The following TPST1 variants were observed in gnomAD, a reference collection of about 807,000 sequenced individuals.
The protein encoded by TPST1 is protein-tyrosine sulfotransferase 1.
Under a neutral mutation model 34.8 loss-of-function variants are expected in TPST1, and 20 were observed. The observed-to-expected ratio is 0.57, with a 90% confidence interval of 0.40 to 0.84. The LOEUF is 0.84. Ranked by LOEUF, TPST1 falls within the 40% of genes least tolerant of loss-of-function variation. The probability of loss-of-function intolerance (pLI) is 0.00; values close to 1 mark genes in which losing one functional copy is unlikely to be tolerated. For missense variants in TPST1, 353 were observed against 455.5 expected (o/e 0.78, Z 2.05); for synonymous variants, 152 against 159.4 (o/e 0.95, Z 0.35).
intron 3 of TPST1, among the ~76,000 whole-genome samples, chr7:66,308,428 G>C (rs76826654): frequency 0.016 from 2,389 of 152,230 alleles, 61 homozygotes; most frequent in East Asian, 0.093. Flanking sequence ...TTTTGGTAGA[G>C]AGAGGCAGCT....
At chr7:66,220,861 G>A (rs963008525) in intron 1 of TPST1, among the ~76,000 whole-genome samples, 53 of 152,262 alleles carry the variant, frequency 3.5e-4, no homozygotes, top group Middle Eastern at 3.4e-3. Flanking sequence ...GGCTGGGAGC[G>A]GTGGCTAACA....
chr7:66,315,199 G>A (rs142782283), intron 3 of TPST1, among the ~76,000 whole-genome samples: 385 of 152,344 alleles, frequency 2.5e-3, no homozygotes, highest in Non-Finnish European at 3.5e-3. Context: ...CACAGTAAGG[G>A]AATCAACAAG....
upstream of TPST1, among the ~76,000 whole-genome samples, chr7:66,203,208 C>A (rs1789050256): frequency 6.8e-6 from 1 of 148,016 alleles, no homozygotes; most frequent in African/African-American, 2.6e-5. Flanking sequence ...TACACACAAA[C>A]ACACACACAC....
At chr7:66,299,516 T>C (rs74939879) in intron 3 of TPST1, among the ~76,000 whole-genome samples, 3,229 of 152,188 alleles carry the variant, frequency 0.021, 50 homozygotes, top group Middle Eastern at 0.041. Flanking sequence ...ATAAGATTTT[T>C]CCCTATTTTT....
chr7:66,350,888 T>C (rs983248130), intron 3 of TPST1, among the ~76,000 whole-genome samples: 2 of 152,256 alleles, frequency 1.3e-5, no homozygotes, highest in Non-Finnish European at 1.5e-5. Context: ...ATGATATATG[T>C]GTAACAGTAA....
intron 1 of TPST1, among the ~76,000 whole-genome samples, chr7:66,226,999 C>G (rs1789668592): frequency 7.3e-6 from 1 of 136,220 alleles, no homozygotes; most frequent in South Asian, 2.4e-4. Context: ...AAATTTAACA[C>G]AGTTTGGTGT....
At chr7:66,312,955 A>T (rs548302024) in intron 3 of TPST1, among the ~76,000 whole-genome samples, 1 of 152,216 alleles carries the variant, frequency 6.6e-6, no homozygotes, top group East Asian at 1.9e-4. Context: ...GTTGAAAATG[A>T]CCTGAAGAAT....
intron 3 of TPST1, among the ~76,000 whole-genome samples, chr7:66,293,289 C>T (rs1454836502): frequency 6.6e-6 from 1 of 151,744 alleles, no homozygotes; most frequent in African/African-American, 2.4e-5. Context: ...TGCGAGTGAG[C>T]CCAGGATTTC....
chr7:66,209,904 G>T (rs1789209405), intron 1 of TPST1, among the ~76,000 whole-genome samples: 1 of 152,160 alleles, frequency 6.6e-6, no homozygotes. Flanking sequence ...CCTGGCTTCA[G>T]GTAACCCTCT....
At chr7:66,255,464 C>T (rs1790365960) in intron 2 of TPST1, among the ~76,000 whole-genome samples, 2 of 152,104 alleles carry the variant, frequency 1.3e-5, no homozygotes, top group Non-Finnish European at 2.9e-5. Flanking sequence ...ACAGAATTCC[C>T]AATACCAACA....
chr7:66,356,895 G>T (rs1792593322), intron 5 of TPST1, 24 bp downstream of exon 5: 14 of 1,613,450 alleles, frequency 8.7e-6, no homozygotes, highest in Non-Finnish European at 1.2e-5. Context: ...GACATTGCCA[G>T]GTCTTTCTGT....
At chr7:66,323,252 G>A (rs1791793650) in intron 3 of TPST1, among the ~76,000 whole-genome samples, 1 of 152,134 alleles carries the variant, frequency 6.6e-6, no homozygotes, top group African/African-American at 2.4e-5. Flanking sequence ...ATCCAGACCA[G>A]GCTGGTCTCG....
rs59420670 is a variant in TPST1 at position 66,339,853 on chromosome 7, AT to A, written c.1045-12651del. 4.2e-3 allele frequency among the ~76,000 whole-genome samples: 630 copies of A among 151,224 alleles called. 2 individuals are homozygous for A. Among genetic ancestry groups the A allele is most frequent in the Non-Finnish European group, 6.6e-3 (446 of 67,792 alleles). On this transcript the variant is annotated intron_variant, in intron 3 of 5. Transcript: ENST00000304842. ...CAACCTAAAAAAAAAAAAAAAAAAA[AT>A]CATCATGATAAAGTGGAAATCCGAG... is the stretch of plus-strand genomic sequence containing the variant.
intron 2 of TPST1, among the ~76,000 whole-genome samples, chr7:66,262,916 G>A (rs1790516077): frequency 6.6e-6 from 1 of 152,058 alleles, no homozygotes. Context: ...TGGCCAACAT[G>A]GTGAAACCCC....
intron 3 of TPST1, among the ~76,000 whole-genome samples, chr7:66,294,914 TTA>T (rs1322595101): frequency 3.3e-5 from 5 of 152,184 alleles, no homozygotes; most frequent in African/African-American, 1.2e-4. Flanking sequence ...AACATAATTT[TTA>T]TAGTTATAAA....
chr7:66,266,519 T>C (rs1291357304), intron 2 of TPST1, among the ~76,000 whole-genome samples: 2 of 152,212 alleles, frequency 1.3e-5, no homozygotes, highest in African/African-American at 2.4e-5. Flanking sequence ...CTCCTACATA[T>C]ATTCACAACA....
chr7:66,313,214 G>T (rs146247028), intron 3 of TPST1, among the ~76,000 whole-genome samples: 81 of 152,234 alleles, frequency 5.3e-4, no homozygotes, highest in African/African-American at 1.8e-3. Flanking sequence ...AGGAGTTTGA[G>T]ACCAGCCTGG....
chr7:66,273,931 T>C (rs1461578536), intron 2 of TPST1, among the ~76,000 whole-genome samples: 1 of 152,128 alleles, frequency 6.6e-6, no homozygotes, highest in East Asian at 1.9e-4. Flanking sequence ...GCCTTCCTAG[T>C]AGCTGGGACT....
intron 3 of TPST1, among the ~76,000 whole-genome samples, chr7:66,293,978 C>G (rs1157116721): frequency 6.6e-6 from 1 of 152,170 alleles, no homozygotes; most frequent in Non-Finnish European, 1.5e-5. Flanking sequence ...CCAGTTGAGT[C>G]TATTTCAAAT....
Sources: gnomAD v4.1 joint callset for allele counts (sites outside exome capture counted in the v4.1 genomes callset) on GRCh38, gnomAD v4.1.1 for gene constraint, MANE v1.5 for transcripts, NCBI Gene and HGNC (gene_info 2026-07-23, HGNC 2026-07-21) for gene names.